The following KCNIP4 variants were observed in gnomAD, a reference collection of about 807,000 sequenced individuals.
KCNIP4 encodes Kv channel-interacting protein 4.
A neutral mutation model predicts 34.0 loss-of-function variants in KCNIP4; 12 were observed. The ratio of observed to expected loss-of-function variants is 0.35; its 90% CI spans 0.23 to 0.57. KCNIP4 has a LOEUF of 0.57. Ranked by LOEUF, KCNIP4 falls within the 20% of genes least tolerant of loss-of-function variation. KCNIP4 has a pLI of 0.83. For synonymous variants in KCNIP4, 124 were observed against 102.2 expected (o/e 1.21, Z -1.29); for missense variants, 238 against 311.7 (o/e 0.76, Z 1.78).
intron 1 of KCNIP4, among the ~76,000 whole-genome samples, chr4:20,936,000 A>G (rs1731020092): frequency 6.6e-6 from 1 of 151,492 alleles, no homozygotes; most frequent in African/African-American, 2.4e-5. Flanking sequence ...AGGTCTTGTG[A>G]TTCCCAGGTT....
intron 1 of KCNIP4, among the ~76,000 whole-genome samples, chr4:21,618,664 G>A (rs1306902853): frequency 4.3e-5 from 5 of 115,918 alleles, no homozygotes; most frequent in East Asian, 5.2e-4. Flanking sequence ...AGAGAGTCTC[G>A]CTCAGTCGCC....
intron 1 of KCNIP4, among the ~76,000 whole-genome samples, chr4:21,623,105 G>GT (rs1416370900): frequency 2.0e-5 from 3 of 152,116 alleles, no homozygotes; most frequent in African/African-American, 7.2e-5. Context: ...TTTCCAATTA[G>GT]TTTTTTCCAT....
At chr4:21,212,133 C>T (rs1443255425) in intron 1 of KCNIP4, among the ~76,000 whole-genome samples, 3 of 152,166 alleles carry the variant, frequency 2.0e-5, no homozygotes, top group Non-Finnish European at 4.4e-5. Context: ...CTGCTGCTTT[C>T]TTTCCAATCT....
chr4:21,272,985 T>C (rs1762241454), intron 1 of KCNIP4, among the ~76,000 whole-genome samples: 2 of 152,178 alleles, frequency 1.3e-5, no homozygotes, highest in South Asian at 4.1e-4. Flanking sequence ...GACTTACTCA[T>C]AACATAGCTA....
intron 1 of KCNIP4, among the ~76,000 whole-genome samples, chr4:21,357,593 C>G (rs1364941773): frequency 6.6e-6 from 1 of 152,072 alleles, no homozygotes; most frequent in Non-Finnish European, 1.5e-5. Context: ...GGTCATCAGA[C>G]AAATGCAAAT....
chr4:21,257,461 T>C (rs1400656398), intron 1 of KCNIP4, among the ~76,000 whole-genome samples: 1 of 151,980 alleles, frequency 6.6e-6, no homozygotes, highest in Non-Finnish European at 1.5e-5. Context: ...TCAGAAACTC[T>C]AGGCTGCGGG....
At chr4:21,780,712 T>C (rs1418813925) in intron 1 of KCNIP4, among the ~76,000 whole-genome samples, 2 of 152,196 alleles carry the variant, frequency 1.3e-5, no homozygotes, top group Non-Finnish European at 2.9e-5. Context: ...AATCAACCTG[T>C]GTTCATTTTC....
chr4:21,588,817 T>C (rs1741870006), intron 1 of KCNIP4, among the ~76,000 whole-genome samples: 1 of 151,816 alleles, frequency 6.6e-6, no homozygotes, highest in African/African-American at 2.4e-5. Context: ...ATTTTTTTTG[T>C]ATATCATAGT....
At chr4:21,934,543 A>G (rs1311386350) in intron 1 of KCNIP4, among the ~76,000 whole-genome samples, 1 of 152,132 alleles carries the variant, frequency 6.6e-6, no homozygotes, top group Non-Finnish European at 1.5e-5. Flanking sequence ...TGTATATAAC[A>G]TAGAAACTCA....
intron 1 of KCNIP4, among the ~76,000 whole-genome samples, chr4:21,287,404 A>T (rs1241545918): frequency 6.6e-6 from 1 of 152,200 alleles, no homozygotes; most frequent in Non-Finnish European, 1.5e-5. Flanking sequence ...CAAAAGAGGA[A>T]ACATATTCAT....
At chr4:21,346,199 A>ATATATAT (rs1717345212) in intron 1 of KCNIP4, among the ~76,000 whole-genome samples, 1 of 42,716 alleles carries the variant, frequency 2.3e-5, no homozygotes, top group African/African-American at 1.1e-4. Context: ...ATATAGAATT[A>ATATATAT]TATATATAAT....
At chr4:21,812,024 T>G (rs1044853306) in intron 1 of KCNIP4, among the ~76,000 whole-genome samples, 1 of 152,248 alleles carries the variant, frequency 6.6e-6, no homozygotes. Context: ...AGCAATCATG[T>G]GCTGGATAAA....
rs1490770595 is a variant in KCNIP4, at chr4:20,850,542, C to T, written c.288+1G>A. On this transcript the variant is annotated splice_donor_variant, in intron 3 of 8. Coordinates refer to ENST00000382152, the MANE Select transcript of KCNIP4 (RefSeq NM_025221.6). LOFTEE classifies it high-confidence loss of function. ...GGTAAAGTCAAAAAGAAAGTTCTTA[C>T]ATTCTTAAATCCTCTGTAAAGGATC... 2 of 1,611,962 alleles carry T rather than the reference C, an allele frequency of 1.2e-6. No individual in the cohort carries two copies. The highest frequency in any genetic ancestry group is 1.7e-6 in the Non-Finnish European group (2 of 1,179,308).
At chr4:21,887,922 A>G (rs1179458063) in intron 1 of KCNIP4, among the ~76,000 whole-genome samples, 3 of 152,172 alleles carry the variant, frequency 2.0e-5, no homozygotes, top group Non-Finnish European at 4.4e-5. Flanking sequence ...AATGAGGAAA[A>G]AGAAACTTCT....
intron 1 of KCNIP4, among the ~76,000 whole-genome samples, chr4:21,156,327 C>T (rs916543144): frequency 2.0e-5 from 3 of 152,084 alleles, no homozygotes; most frequent in African/African-American, 7.2e-5. Context: ...TGAATGTGAA[C>T]AGGAATGTTG....
intron 1 of KCNIP4, among the ~76,000 whole-genome samples, chr4:21,662,699 C>G (rs990950194): frequency 5.3e-5 from 8 of 152,142 alleles, no homozygotes; most frequent in African/African-American, 1.9e-4. Context: ...AAACCACAGA[C>G]TTCATACACA....
intron 1 of KCNIP4, among the ~76,000 whole-genome samples, chr4:21,196,368 T>G (rs1318579593): frequency 6.6e-6 from 1 of 152,224 alleles, no homozygotes; most frequent in Non-Finnish European, 1.5e-5. Context: ...TTTGCCTTTT[T>G]GATGGAGTGG....
chr4:21,430,639 C>A (rs987419201), intron 1 of KCNIP4, among the ~76,000 whole-genome samples: 5 of 152,040 alleles, frequency 3.3e-5, no homozygotes, highest in African/African-American at 1.2e-4. Flanking sequence ...GTCAACTGTT[C>A]TTCCTTTTTA....
chr4:21,543,558 G>A lies in KCNIP4; in HGVS notation c.61+405013C>T, dbSNP rs557085266. Among the ~76,000 whole-genome samples, 3 of 152,148 alleles carry A rather than the reference G, an allele frequency of 2.0e-5. No individual in the cohort carries two copies. In the East Asian group the frequency reaches 5.8e-4, roughly 29 times the overall value. On this transcript the variant is annotated intron_variant, in intron 1 of 8. Coordinates refer to ENST00000382152, the MANE Select transcript of KCNIP4 (RefSeq NM_025221.6). Reference sequence around the variant, plus strand: ...AAAACAGGGACCTAATACTGTTTATGTTGTTTGCTTTGTTGTAGCTAATAT... The same window carrying A: ...AAAACAGGGACCTAATACTGTTTATATTGTTTGCTTTGTTGTAGCTAATAT...
Sources: gnomAD v4.1 joint callset for allele counts (sites outside exome capture counted in the v4.1 genomes callset) on GRCh38, gnomAD v4.1.1 for gene constraint, MANE v1.5 for transcripts, NCBI Gene and HGNC (gene_info 2026-07-23, HGNC 2026-07-21) for gene names.